PAN3: variants seen among roughly 807,000 people sequenced by gnomAD.
The protein encoded by PAN3 is poly(A) specific ribonuclease subunit PAN3.
In PAN3, 19 loss-of-function variants were observed where a neutral mutation model predicts 96.2. The observed-to-expected ratio is 0.20, with a 90% CI of 0.14 to 0.29. The LOEUF is 0.29. Ranked by LOEUF, PAN3 falls within the 10% of genes least tolerant of loss-of-function variation. The pLI is 1.00. For synonymous variants in PAN3, 433 were observed against 406.6 expected, an observed-to-expected ratio of 1.06 and a Z score of -0.78; for missense variants, 882 against 1,108.1, an observed-to-expected ratio of 0.80 and a Z score of 2.90.
intron 1 of PAN3, among the ~76,000 whole-genome samples, chr13:28,156,223 G>A (rs1275992878): frequency 5.9e-5 from 9 of 151,952 alleles, no homozygotes; most frequent in Admixed American, 3.9e-4. Flanking sequence ...AATGACAAAG[G>A]GGACATTACC....
At chr13:28,236,172 T>C (rs1050390413) in intron 6 of PAN3, among the ~76,000 whole-genome samples, 1 of 152,210 alleles carries the variant, frequency 6.6e-6, no homozygotes, top group African/African-American at 2.4e-5. Flanking sequence ...ATGAGCTTTA[T>C]GGTAGAATGT....
chr13:28,209,872 C>CTGGGCTCAAGTCATCCTCCTATTTCA (rs1879828453), intron 5 of PAN3, among the ~76,000 whole-genome samples: 1 of 152,064 alleles, frequency 6.6e-6, no homozygotes, highest in African/African-American at 2.4e-5. Flanking sequence ...CCTTGATCTT[C>CTGGGCTCAAGTCATCCTCCTATTTCA]TGGGCTCAAG....
At chr13:28,218,102 A>C (rs966068921) in intron 5 of PAN3, among the ~76,000 whole-genome samples, 3 of 152,074 alleles carry the variant, frequency 2.0e-5, no homozygotes, top group Admixed American at 2.0e-4. Context: ...AATAGATTTT[A>C]TAGTTTTAAA....
chr13:28,182,110 T>C (rs1241897600), intron 4 of PAN3, among the ~76,000 whole-genome samples: 1 of 152,202 alleles, frequency 6.6e-6, no homozygotes, highest in Non-Finnish European at 1.5e-5. Context: ...GAGAAATTAT[T>C]TGGGAACAAA....
chr13:28,192,504 A>G (rs765818165), intron 4 of PAN3, among the ~76,000 whole-genome samples: 4 of 152,194 alleles, frequency 2.6e-5, no homozygotes, highest in African/African-American at 9.7e-5. Context: ...AACCTATACT[A>G]CATACTTCCA....
intron 14 of PAN3, 43 bp from the exon 15 acceptor site, chr13:28,277,194 T>C: frequency 6.4e-7 from 1 of 1,556,486 alleles, no homozygotes; most frequent in Non-Finnish European, 8.8e-7. Context: ...AATGAGTACC[T>C]GTGAAATGAA....
At chr13:28,274,845 G>A (rs865904575) in intron 14 of PAN3, among the ~76,000 whole-genome samples, 3 of 152,268 alleles carry the variant, frequency 2.0e-5, no homozygotes, top group East Asian at 1.9e-4. Flanking sequence ...TAGTCCCAAA[G>A]GGGGAGTGTG....
intron 2 of PAN3, among the ~76,000 whole-genome samples, chr13:28,175,623 T>C (rs894207001): frequency 6.6e-6 from 1 of 152,194 alleles, no homozygotes; most frequent in Non-Finnish European, 1.5e-5. Context: ...TTTTGAATTA[T>C]TTTAACTTAT....
In PAN3 at chr13:28,281,312, T is replaced by C. The variant is rs1232740739; in HGVS notation, c.2320-3T>C. The C allele has an allele frequency of 6.2e-7, 1 of 1,609,138 alleles. No homozygotes were observed. The highest frequency in any genetic ancestry group is 1.1e-5 in the South Asian group (1 of 90,836). On this transcript the variant is annotated splice_polypyrimidine_tract_variant and splice_region_variant and intron_variant, in intron 16 of 18. Coordinates refer to ENST00000380958, the MANE Select transcript of PAN3 (RefSeq NM_175854.8). ...ATTTTTCTCTTTTTAAAATGTTTTA[T>C]AGGAGGTTCAAAATGGAAGACTGTT... is the stretch of plus-strand genomic sequence containing the variant.
intron 7 of PAN3, among the ~76,000 whole-genome samples, chr13:28,258,731 A>G (rs1885424410): frequency 6.6e-6 from 1 of 152,116 alleles, no homozygotes. Flanking sequence ...TATAGTTGCC[A>G]TTTAGTATCC....
chr13:28,251,578 A>G (rs1566229003), intron 6 of PAN3, among the ~76,000 whole-genome samples: 1 of 152,188 alleles, frequency 6.6e-6, no homozygotes. Flanking sequence ...ACGTCACCCC[A>G]GTCCTCCAAC....
At chr13:28,245,718 C>T (rs1416493438) in intron 6 of PAN3, among the ~76,000 whole-genome samples, 1 of 151,700 alleles carries the variant, frequency 6.6e-6, no homozygotes, top group Non-Finnish European at 1.5e-5. Flanking sequence ...AATCTATTTT[C>T]TGACTTTTTA....
At chr13:28,250,883 TC>T (rs1291201747) in intron 6 of PAN3, among the ~76,000 whole-genome samples, 1 of 152,218 alleles carries the variant, frequency 6.6e-6, no homozygotes, top group East Asian at 1.9e-4. Flanking sequence ...TTCTTTTTTT[TC>T]GAATGTTGCT....
intron 5 of PAN3, chr13:28,216,029 T>C: frequency 5.4e-6 from 3 of 557,752 alleles, no homozygotes; most frequent in Non-Finnish European, 9.5e-6. Context: ...TCTTAAAACC[T>C]TCAGAAGGAA....
rs532198850 is a variant in PAN3 at position 28,208,818 on chromosome 13, G to A, written c.853-11413G>A. ...GTCTGAATTTAAATGTACAATCCAT[G>A]TGAATTCTTACGATAATTCCATTCA... On this transcript the variant is annotated intron_variant, in intron 5 of 18. Coordinates refer to ENST00000380958, the MANE Select transcript of PAN3 (RefSeq NM_175854.8). 2.6e-5 allele frequency among the ~76,000 whole-genome samples: 4 copies of A among 152,274 alleles called. No homozygotes were observed. In the East Asian group the frequency reaches 7.7e-4, roughly 29 times the overall value.
At chr13:28,289,950 A>G (rs946468751) in intron 18 of PAN3, among the ~76,000 whole-genome samples, 1 of 152,234 alleles carries the variant, frequency 6.6e-6, no homozygotes, top group South Asian at 2.1e-4. Context: ...CAGTTCCCTT[A>G]TGAATTACTT....
At chr13:28,155,226 C>CT (rs1343827552) in intron 1 of PAN3, among the ~76,000 whole-genome samples, 1 of 152,102 alleles carries the variant, frequency 6.6e-6, no homozygotes, top group Non-Finnish European at 1.5e-5. Context: ...TAGGCACTGA[C>CT]TAGAGAATGT....
In PAN3 at chr13:28,234,968, A is replaced by G. The variant is rs575327016; in HGVS notation, c.1000+14590A>G. Among the ~76,000 whole-genome samples the G allele has an allele frequency of 1.4e-4, 22 of 152,304 alleles. No homozygotes were observed. The East Asian group carries it at 4.2e-3, about 29-fold the overall frequency. Reference sequence around the variant, plus strand: ...TTGCATTTCTTTTTTGTATAATAACAAAAGTAATCTTAAATATAGACCAAA... The same window carrying G: ...TTGCATTTCTTTTTTGTATAATAACGAAAGTAATCTTAAATATAGACCAAA... On this transcript the variant is annotated intron_variant, in intron 6 of 18. Transcript: ENST00000380958.
intron 4 of PAN3, among the ~76,000 whole-genome samples, chr13:28,179,036 G>A (rs1875423308): frequency 6.6e-6 from 1 of 152,152 alleles, no homozygotes; most frequent in African/African-American, 2.4e-5. Context: ...TGTACCTAAT[G>A]TTATTTCCAT....
Sources: gnomAD v4.1 joint callset for allele counts (sites outside exome capture counted in the v4.1 genomes callset) on GRCh38, gnomAD v4.1.1 for gene constraint, MANE v1.5 for transcripts, NCBI Gene and HGNC (gene_info 2026-07-23, HGNC 2026-07-21) for gene names.